LHFPL5: variants seen among roughly 807,000 people sequenced by gnomAD.
LHFPL5 encodes LHFPL tetraspan subfamily member 5 protein.
In LHFPL5, 12 loss-of-function variants were observed where a neutral mutation model predicts 18.7. That is an observed-to-expected ratio of 0.64 (90% confidence interval 0.41 to 1.04). The LOEUF is 1.04. Ranked by LOEUF, LHFPL5 falls within the 50% of genes least tolerant of loss-of-function variation. The pLI is 0.00. For synonymous variants in LHFPL5, 111 were observed against 120.2 expected, an observed-to-expected ratio of 0.92 and a Z score of 0.50; for missense variants, 259 against 292.1, an observed-to-expected ratio of 0.89 and a Z score of 0.83.
intron 2 of LHFPL5, among the ~76,000 whole-genome samples, chr6:35,818,352 T>TATATATATATATA (rs1561955744): frequency 4.2e-3 from 10 of 2,364 alleles, no homozygotes; most frequent in African/African-American, 0.014. Flanking sequence ...TATATATGTA[T>TATATATATATATA]TTTTTTTTTT....
chr6:35,813,285 G>A (rs781162170), intron 1 of LHFPL5, among the ~76,000 whole-genome samples: 1 of 105,236 alleles, frequency 9.5e-6, no homozygotes, highest in Non-Finnish European at 1.8e-5. Context: ...TTGGTCTGTT[G>A]CCCAGGCTGG....
In LHFPL5 at chr6:35,805,929, T is replaced by C; in HGVS notation, c.259T>C (p.Ser87Pro). The C allele has an allele frequency of 6.2e-7, 1 of 1,614,194 alleles. No homozygotes were observed. The highest frequency in any genetic ancestry group is 8.5e-7 in the Non-Finnish European group (1 of 1,180,018). Residue 87 changes from serine to proline, a missense_variant, in exon 1 of 4, where the codon TCC (serine) becomes CCC (proline). Transcript: ENST00000360215. This position sits in a 1 kb window ranked among gnomAD's most constrained non-coding sequence, Gnocchi z 4.3. ...CTGCAAGGGCGGCCCCCTAGACTTC[T>C]CCTCCATCCCCTCTAGAGCCTTCAA... ...LICKGGPLDF[S>P]SIPSRAFKTA... is the part of the protein sequence containing the mutation.
intron 2 of LHFPL5, among the ~76,000 whole-genome samples, chr6:35,816,358 A>AG (rs1768761298): frequency 6.6e-6 from 1 of 151,114 alleles, no homozygotes; most frequent in African/African-American, 2.4e-5. Flanking sequence ...AAAAAAAAAA[A>AG]AAAGAAAAAA....
intron 3 of LHFPL5, among the ~76,000 whole-genome samples, chr6:35,821,276 C>A (rs939499966): frequency 6.7e-6 from 1 of 150,120 alleles, no homozygotes; most frequent in African/African-American, 2.5e-5. Context: ...TGGACTCCAG[C>A]CTGGGAGAGA....
Position 35,805,451 on chromosome 6 carries a change from A to G in LHFPL5, c.-220A>G, listed in dbSNP as rs1581967067. 7 of 580,150 alleles carry G rather than the reference A, an allele frequency of 1.2e-5. No homozygotes were observed. In the East Asian group the frequency reaches 2.0e-4, roughly 17 times the overall value. 35.9% of individuals were successfully genotyped at this position (580,150 alleles called of 1,614,324 possible). On this transcript the variant is annotated 5_prime_UTR_variant, in exon 1 of 4. Coordinates refer to ENST00000360215, the MANE Select transcript of LHFPL5 (RefSeq NM_182548.4). The surrounding 1 kb of genome is among the most constrained non-coding windows in gnomAD (Gnocchi z 4.3). ...CAGGAGACTGGAGACAGCCTCGGCT[A>G]GAGCGGACACAGGCACCTGGCAAGC...
chr6:35,819,357 T>C, intron 2 of LHFPL5, 80 bp from the exon 3 acceptor site: 1 of 1,295,514 alleles, frequency 7.7e-7, no homozygotes. Context: ...TGATGTAGTT[T>C]GGAGATGGAG....
Position 35,814,397 on chromosome 6 carries a change from G to A in LHFPL5, c.413-149G>A, listed in dbSNP as rs1358635390. ...CAGTTTTCTCACCTGTGTTCTGCAA[G>A]AAGGATGGTAGAGGCTGCCTCTCAT... On this transcript the variant is annotated intron_variant, in intron 1 of 3. Coordinates refer to ENST00000360215, the MANE Select transcript of LHFPL5 (RefSeq NM_182548.4). This position sits in a 1 kb window ranked among gnomAD's most constrained non-coding sequence, Gnocchi z 4.2. 7 of 769,560 alleles carry A rather than the reference G, an allele frequency of 9.1e-6. No individual in the cohort carries two copies. Among genetic ancestry groups the A allele is most frequent in the Non-Finnish European group, 1.6e-5 (7 of 425,958 alleles). The allele number at this position is 769,560 out of a possible 1,614,324, so 47.7% of individuals were successfully genotyped here.
In LHFPL5 at chr6:35,805,376, G is replaced by C; in HGVS notation, c.-295G>C. Reference sequence around the variant, plus strand: ...TCTCGGGAGCCGTGAGCCGGGAAGAGGGAGACGGGCAGGGCGGCGCCAGCA... The same window carrying C: ...TCTCGGGAGCCGTGAGCCGGGAAGACGGAGACGGGCAGGGCGGCGCCAGCA... On this transcript the variant is annotated 5_prime_UTR_variant, in exon 1 of 4. Coordinates refer to ENST00000360215, the MANE Select transcript of LHFPL5 (RefSeq NM_182548.4). The surrounding 1 kb of genome is among the most constrained non-coding windows in gnomAD (Gnocchi z 4.3). The C allele has an allele frequency of 2.5e-6, 1 of 408,158 alleles. No homozygotes were observed. Among genetic ancestry groups the C allele is most frequent in the South Asian group, 2.8e-5 (1 of 35,730 alleles). The allele number at this position is 408,158 out of a possible 1,614,324, so 25.3% of individuals were successfully genotyped here.
chr6:35,815,084 G>T (rs1186901102), intron 2 of LHFPL5, among the ~76,000 whole-genome samples: 1 of 152,154 alleles, frequency 6.6e-6, no homozygotes, highest in East Asian at 1.9e-4. Context: ...CTAGAAGGAG[G>T]CACTGAGGCG....
rs1458811504 is a variant in LHFPL5, at chr6:35,814,215, AG to A, written c.413-329del. ...TACCGGAGGGCTTTGAAGCCAGGGTAGGTGGTGCCTGGTTGAGTCCAAGGTG... is the reference window on the plus strand; with the variant it reads ...TACCGGAGGGCTTTGAAGCCAGGGTAGTGGTGCCTGGTTGAGTCCAAGGTG... On this transcript the variant is annotated intron_variant, in intron 1 of 3. Transcript: ENST00000360215. This position sits in a 1 kb window ranked among gnomAD's most constrained non-coding sequence, Gnocchi z 4.2. Among the ~76,000 whole-genome samples, 2 of 152,198 alleles carry A rather than the reference AG, an allele frequency of 1.3e-5. No homozygotes were observed. Among genetic ancestry groups the A allele is most frequent in the Admixed American group, 6.5e-5 (1 of 15,278 alleles).
At position 35,814,423 on chromosome 6, in the gene LHFPL5, G is replaced by A; in HGVS notation, c.413-123G>A. On this transcript the variant is annotated intron_variant, in intron 1 of 3. Coordinates refer to ENST00000360215, the MANE Select transcript of LHFPL5 (RefSeq NM_182548.4). The surrounding 1 kb of genome is among the most constrained non-coding windows in gnomAD (Gnocchi z 4.2). ...AAGGATGGTAGAGGCTGCCTCTCAT[G>A]CCTCCTGAGGCTGTTAACAGAAGGA... 1.2e-6 allele frequency: 1 copy of A among 836,048 alleles called. No homozygotes were observed. Among genetic ancestry groups the A allele is most frequent in the Non-Finnish European group, 2.1e-6 (1 of 477,460 alleles). 51.8% of individuals were successfully genotyped at this position (836,048 alleles called of 1,614,324 possible).
chr6:35,821,481 G>GTGTGTGTGTGTGTGTGTGTGTA (rs1554147694), intron 3 of LHFPL5, among the ~76,000 whole-genome samples: 2 of 147,084 alleles, frequency 1.4e-5, no homozygotes, highest in Admixed American at 6.8e-5. Context: ...GTGTGTGTGT[G>GTGTGTGTGTGTGTGTGTGTGTA]TGTGTGTGTG....
At chr6:35,808,564 CAT>C (rs56343421) in intron 1 of LHFPL5, among the ~76,000 whole-genome samples, 5,674 of 86,674 alleles carry the variant, frequency 0.065, 142 homozygotes, top group East Asian at 0.081. Flanking sequence ...TCATTTTATA[CAT>C]ATATATATAT....
chr6:35,806,612 T>C (rs931686887), intron 1 of LHFPL5, among the ~76,000 whole-genome samples: 3 of 152,210 alleles, frequency 2.0e-5, no homozygotes, highest in African/African-American at 4.8e-5. Context: ...CACTCCAAAC[T>C]GCTCTCAGAT....
rs1184891076 is a variant in LHFPL5, at chr6:35,823,555, G to A, written c.*590G>A. The stretch of plus-strand genomic sequence containing the variant: ...CTGAAGAGGTGGCTGGACATGTGCT[G>A]GGTCATTTTTAGGGTGAGGTGTAGG... On this transcript the variant is annotated 3_prime_UTR_variant, in exon 4 of 4. Transcript: ENST00000360215. 2 of 151,942 alleles carry A rather than the reference G, an allele frequency of 1.3e-5. No homozygotes were observed. Among genetic ancestry groups the A allele is most frequent in the African/African-American group, 4.8e-5 (2 of 41,312 alleles). The allele number at this position is 151,942 out of a possible 1,614,324, so 9.4% of individuals were successfully genotyped here.
At chr6:35,808,320 A>T (rs1373225140) in intron 1 of LHFPL5, among the ~76,000 whole-genome samples, 2 of 145,896 alleles carry the variant, frequency 1.4e-5, no homozygotes, top group Non-Finnish European at 3.0e-5. Flanking sequence ...TATATAAATT[A>T]AAAATAATCA....
At chr6:35,818,403 G>A (rs538957452) in intron 2 of LHFPL5, among the ~76,000 whole-genome samples, 111 of 138,352 alleles carry the variant, frequency 8.0e-4, no homozygotes, top group African/African-American at 2.6e-3. Flanking sequence ...CTGTCACCCA[G>A]GCTGGAGTGC....
chr6:35,814,772 A>C lies in LHFPL5; in HGVS notation c.639A>C (p.Ala213=). Residue 213 remains alanine, a synonymous_variant, in exon 2 of 4, where the codon GCA becomes GCC. Coordinates refer to ENST00000360215, the MANE Select transcript of LHFPL5 (RefSeq NM_182548.4). The surrounding 1 kb of genome is among the most constrained non-coding windows in gnomAD (Gnocchi z 4.2). ...QDKLLPDDYK[A]DGTEEV is the part of the protein sequence containing the mutation. ...AGCTCCTCCCTGACGACTACAAGGC[A>C]GATGGAACCGGTAATCACCCAACTC... 2 of 1,613,966 alleles carry C rather than the reference A, an allele frequency of 1.2e-6. No homozygotes were observed. The highest frequency in any genetic ancestry group is 1.7e-6 in the Non-Finnish European group (2 of 1,179,864).
intron 1 of LHFPL5, among the ~76,000 whole-genome samples, chr6:35,813,054 CA>C (rs1207945675): frequency 6.7e-6 from 1 of 148,732 alleles, no homozygotes. Flanking sequence ...GACTCTGTCT[CA>C]AAAAAAAAGA....
Sources: allele counts gnomAD v4.1 joint callset (sites outside exome capture counted in the v4.1 genomes callset), GRCh38; gene constraint gnomAD v4.1.1; non-coding constraint Gnocchi (gnomAD v3.1); transcripts MANE v1.5; gene names NCBI Gene and HGNC (gene_info 2026-07-23, HGNC 2026-07-21).